The following KCNF1 variants were observed in gnomAD, a reference collection of about 807,000 sequenced individuals.
KCNF1 encodes the protein voltage-gated potassium channel regulatory subunit KCNF1.
Under a neutral mutation model 28.6 loss-of-function variants are expected in KCNF1, and 9 were observed. That is an observed-to-expected ratio of 0.31 (90% CI 0.19 to 0.55). The LOEUF (loss-of-function observed/expected upper bound fraction) is 0.55, where lower values mean the gene tolerates loss of function less well. KCNF1 is among the 20% of genes least tolerant of loss of function. KCNF1 has a pLI of 0.93. For missense variants in KCNF1, 461 were observed against 684.2 expected, an observed-to-expected ratio of 0.67 and a Z score of 3.64; for synonymous variants, 328 against 299.6, an observed-to-expected ratio of 1.09 and a Z score of -0.98.
In KCNF1 at chr2:10,913,281, G is replaced by T. The variant is rs779404957; in HGVS notation, c.855G>T (p.Val285=). Residue 285 remains valine, a synonymous_variant, in exon 1 of 1, where the codon GTG becomes GTT. Coordinates refer to ENST00000295082, the MANE Select transcript of KCNF1 (RefSeq NM_002236.5). The surrounding 1 kb of genome is among the most constrained non-coding windows in gnomAD (Gnocchi z 5.5). ...CCCGCATGATGGAGCTGACCAACGT[G>T]CAGCAGGCCGTGCAGGCGCTGCGGA... The part of the protein sequence containing the change: ...LGARMMELTN[V]QQAVQALRIM... The T allele has an allele frequency of 6.2e-7, 1 of 1,613,358 alleles. No homozygotes were observed. Among genetic ancestry groups the T allele is most frequent in the Non-Finnish European group, 8.5e-7 (1 of 1,179,968 alleles).
At position 10,914,128 on chromosome 2, in the gene KCNF1, G is replaced by T; in HGVS notation, c.*217G>T. The T allele has an allele frequency of 5.9e-6, 3 of 505,954 alleles. No homozygotes were observed. The highest frequency in any genetic ancestry group is 2.0e-5 in the African/African-American group (1 of 51,050). The allele number at this position is 505,954 out of a possible 1,614,324, so 31.3% of individuals were successfully genotyped here. On this transcript the variant is annotated 3_prime_UTR_variant, in exon 1 of 1. Transcript: ENST00000295082. ...CGGGAGGGAGGGGTGTGCAGGAGCC[G>T]CAGGGCCGTGTGGGACGAGTGGAGG...
In KCNF1 at chr2:10,913,622, C is replaced by T; in HGVS notation, c.1196C>T (p.Ala399Val). ...TTCTTGTGTGGTGTCATCGCCATCG[C>T]CCTGCCCATCCACCCCATCATCAAC... Reference protein sequence around the residue: ...ISFLCGVIAIALPIHPIINNF... With the variant: ...ISFLCGVIAIVLPIHPIINNF... Residue 399 changes from alanine to valine, a missense_variant, in exon 1 of 1, where the codon GCC becomes GTC. Ala to Val is a moderately conservative substitution (Grantham distance 64). Around this residue, in one of 4 missense-constraint regions of KCNF1, gnomAD observed 115 missense variants for 261.6 expected, o/e 0.44. Coordinates refer to ENST00000295082, the MANE Select transcript of KCNF1 (RefSeq NM_002236.5). The surrounding 1 kb of genome is among the most constrained non-coding windows in gnomAD (Gnocchi z 5.5). The T allele has an allele frequency of 6.2e-7, 1 of 1,613,246 alleles. No homozygotes were observed. Among genetic ancestry groups the T allele is most frequent in the Non-Finnish European group, 8.5e-7 (1 of 1,179,930 alleles).
Position 10,913,098 on chromosome 2 carries a change from C to T in KCNF1, c.672C>T (p.Asn224=), listed in dbSNP as rs1432435105. 2.5e-6 allele frequency: 4 copies of T among 1,609,944 alleles called. No homozygotes were observed. Among genetic ancestry groups the T allele is most frequent in the Non-Finnish European group, 3.4e-6 (4 of 1,180,026 alleles). Residue 224 remains asparagine, a synonymous_variant, in exon 1 of 1, where the codon AAC becomes AAT. Coordinates refer to ENST00000295082, the MANE Select transcript of KCNF1 (RefSeq NM_002236.5). The surrounding 1 kb of genome is among the most constrained non-coding windows in gnomAD (Gnocchi z 5.5). ...GCGTGGAGCACCCGACGCTGGAGAA[C>T]GTGGAGACGGCGTGCATTGGCTGGT... ...GNRVEHPTLE[N]VETACIGWFT...
Position 10,912,309 on chromosome 2 carries a change from C to G in KCNF1, c.-118C>G. On this transcript the variant is annotated 5_prime_UTR_variant, in exon 1 of 1. Transcript: ENST00000295082. The surrounding 1 kb of genome is among the most constrained non-coding windows in gnomAD (Gnocchi z 7.9). ...GACCGCCCTTCCCCGCAGGCGGGCG[C>G]CGGCCAGGCTCTCCCCGAGATCAGC... 2 of 824,136 alleles carry G rather than the reference C, an allele frequency of 2.4e-6. No individual in the cohort carries two copies. The highest frequency in any genetic ancestry group is 3.1e-6 in the Non-Finnish European group (2 of 635,956). 51.1% of individuals were successfully genotyped at this position (824,136 alleles called of 1,614,324 possible). A position where few individuals can be genotyped will look rare whatever the true frequency, so the allele number is the denominator to read the frequency against.
rs1307089981 is a variant in KCNF1, at chr2:10,913,263, G to A, written c.837G>A (p.Met279Ile). 1 of 1,613,506 alleles carries A rather than the reference G, an allele frequency of 6.2e-7. No individual in the cohort carries two copies. The highest frequency in any genetic ancestry group is 1.7e-5 in the Admixed American group (1 of 60,026). ...CGCTCACGCACCTGGGTGCCCGCAT[G>A]ATGGAGCTGACCAACGTGCAGCAGG... ...SLTLTHLGAR[M>I]MELTNVQQAV... is the part of the protein sequence containing the mutation. Residue 279 changes from methionine to isoleucine, a missense_variant, in exon 1 of 1, where the codon ATG becomes ATA. This residue lies in a region of KCNF1 where 115 missense variants were observed against 261.6 expected (regional missense o/e 0.44). Coordinates refer to ENST00000295082, the MANE Select transcript of KCNF1 (RefSeq NM_002236.5). This position sits in a 1 kb window ranked among gnomAD's most constrained non-coding sequence, Gnocchi z 5.5.
rs1661585673 is a variant in KCNF1 at position 10,913,940 on chromosome 2, C to T, written c.*29C>T. Reference sequence around the variant, plus strand: ...GAGGGCCCCTCAGGCAGAGATGGACCAGGCGGTGGACAGATGGGTAGATGT... The same window carrying T: ...GAGGGCCCCTCAGGCAGAGATGGACTAGGCGGTGGACAGATGGGTAGATGT... On this transcript the variant is annotated 3_prime_UTR_variant, in exon 1 of 1. Coordinates refer to ENST00000295082, the MANE Select transcript of KCNF1 (RefSeq NM_002236.5). This position sits in a 1 kb window ranked among gnomAD's most constrained non-coding sequence, Gnocchi z 5.5. 1 of 1,519,542 alleles carries T rather than the reference C, an allele frequency of 6.6e-7. No individual in the cohort carries two copies. The highest frequency in any genetic ancestry group is 2.3e-5 in the Admixed American group (1 of 44,214). 94.1% of individuals were successfully genotyped at this position (1,519,542 alleles called of 1,614,324 possible).
At position 10,912,355 on chromosome 2, in the gene KCNF1, A is replaced by G. The variant is rs1230579344; in HGVS notation, c.-72A>G. 1 of 1,144,200 alleles carries G rather than the reference A, an allele frequency of 8.7e-7. No homozygotes were observed. The highest frequency in any genetic ancestry group is 1.1e-6 in the Non-Finnish European group (1 of 917,158). 70.9% of individuals were successfully genotyped at this position (1,144,200 alleles called of 1,614,324 possible). On this transcript the variant is annotated 5_prime_UTR_variant, in exon 1 of 1. Transcript: ENST00000295082. This position sits in a 1 kb window ranked among gnomAD's most constrained non-coding sequence, Gnocchi z 7.9. The stretch of plus-strand genomic sequence containing the variant: ...TCAGCGCACGGGTGGCACCCGCCGG[A>G]CCCCCAGCGGCAGCGGCGGCGGCGG...
chr2:10,913,686 G>T lies in KCNF1; in HGVS notation c.1260G>T (p.Glu420Asp), dbSNP rs201734044. 192 of 1,613,814 alleles carry T rather than the reference G, an allele frequency of 1.2e-4. No individual in the cohort carries two copies. Among genetic ancestry groups the T allele is most frequent in the Non-Finnish European group, 1.6e-4 (187 of 1,180,046 alleles). ...ACTACAACAAGCAGCGCGTCCTGGAGACCGCGGCCAAGCACGAGCTGGAGC... is the reference window on the plus strand; with the variant it reads ...ACTACAACAAGCAGCGCGTCCTGGATACCGCGGCCAAGCACGAGCTGGAGC... ...VRYYNKQRVL[E>D]TAAKHELELM... The change falls in exon 1 of 1, where the codon GAG becomes GAT. Residue 420 changes from glutamate (E) to aspartate (D), a missense_variant. Physicochemically the swap from Glu to Asp is conservative, Grantham distance 45. Transcript: ENST00000295082. This position sits in a 1 kb window ranked among gnomAD's most constrained non-coding sequence, Gnocchi z 5.5.
Position 10,913,548 on chromosome 2 carries a change from C to G in KCNF1, c.1122C>G (p.Gly374=). The G allele has an allele frequency of 6.2e-7, 1 of 1,613,820 alleles. No individual in the cohort carries two copies. The highest frequency in any genetic ancestry group is 1.1e-5 in the South Asian group (1 of 91,084). Residue 374 remains glycine (G), a synonymous_variant, in exon 1 of 1, where the codon GGC becomes GGG. Coordinates refer to ENST00000295082, the MANE Select transcript of KCNF1 (RefSeq NM_002236.5). This position sits in a 1 kb window ranked among gnomAD's most constrained non-coding sequence, Gnocchi z 5.5. ...AIITMTTVGY[G]DIYPKTTLGK... ...TCACCATGACCACCGTCGGCTACGGCGACATCTACCCCAAGACCACGCTGG... is the reference window on the plus strand; with the variant it reads ...TCACCATGACCACCGTCGGCTACGGGGACATCTACCCCAAGACCACGCTGG...
Position 10,912,904 on chromosome 2 carries a change from C to G in KCNF1, c.478C>G (p.Arg160Gly). ...DDLGVDAAEG[R>G]WRRCQKCVWK... ...CCTGGGCGTGGACGCAGCCGAGGGC[C>G]GCTGGCGCCGCTGCCAGAAGTGCGT... The change falls in exon 1 of 1, where the codon CGC (arginine) becomes GGC (glycine). Residue 160 changes from arginine to glycine, a missense_variant. By Grantham distance (125) the Arg-to-Gly change is moderately radical. Coordinates refer to ENST00000295082, the MANE Select transcript of KCNF1 (RefSeq NM_002236.5). The surrounding 1 kb of genome is among the most constrained non-coding windows in gnomAD (Gnocchi z 7.9). The G allele has an allele frequency of 6.2e-7, 1 of 1,610,498 alleles. No individual in the cohort carries two copies. Among genetic ancestry groups the G allele is most frequent in the South Asian group, 1.1e-5 (1 of 91,026 alleles).
Position 10,912,916 on chromosome 2 carries a change from T to C in KCNF1, c.490T>C (p.Cys164Arg). 6.2e-7 allele frequency: 1 copy of C among 1,609,688 alleles called. No homozygotes were observed. The highest frequency in any genetic ancestry group is 8.5e-7 in the Non-Finnish European group (1 of 1,179,708). Residue 164 changes from cysteine (C) to arginine (R), a missense_variant, in exon 1 of 1, where the codon TGC becomes CGC. Cys to Arg is a radical substitution (Grantham distance 180). Around this residue, in one of 4 missense-constraint regions of KCNF1, gnomAD observed 193 missense variants for 280.6 expected, o/e 0.69. Transcript: ENST00000295082. This position sits in a 1 kb window ranked among gnomAD's most constrained non-coding sequence, Gnocchi z 7.9. Reference sequence around the variant, plus strand: ...CGCAGCCGAGGGCCGCTGGCGCCGCTGCCAGAAGTGCGTCTGGAAGTTCCT... The same window carrying C: ...CGCAGCCGAGGGCCGCTGGCGCCGCCGCCAGAAGTGCGTCTGGAAGTTCCT... ...VDAAEGRWRRCQKCVWKFLEK... is the reference protein window; with the variant it reads ...VDAAEGRWRRRQKCVWKFLEK...
Position 10,912,487 on chromosome 2 carries a change from G to T in KCNF1, c.61G>T (p.Asp21Tyr). Reference sequence around the variant, plus strand: ...GGGCAGCCAGAGCTCCGCTGCCAGCGACGACATAGAGATAGTCGTCAACGT... The same window carrying T: ...GGGCAGCCAGAGCTCCGCTGCCAGCTACGACATAGAGATAGTCGTCAACGT... ...EPGSQSSAAS[D>Y]DIEIVVNVGG... The change falls in exon 1 of 1, where the codon GAC (aspartate) becomes TAC (tyrosine). Residue 21 changes from aspartate (D) to tyrosine (Y), a missense_variant. This residue lies in a region of KCNF1 where 52 missense variants were observed against 39.8 expected (regional missense o/e 1.31). Coordinates refer to ENST00000295082, the MANE Select transcript of KCNF1 (RefSeq NM_002236.5). The surrounding 1 kb of genome is among the most constrained non-coding windows in gnomAD (Gnocchi z 7.9). The T allele has an allele frequency of 2.0e-6, 3 of 1,538,322 alleles. No individual in the cohort carries two copies. The highest frequency in any genetic ancestry group is 2.6e-6 in the Non-Finnish European group (3 of 1,144,158).
Position 10,912,543 on chromosome 2 carries a change from C to T in KCNF1, c.117C>T (p.Asp39=), listed in dbSNP as rs1469780011. Residue 39 remains aspartate, a synonymous_variant, in exon 1 of 1, where the codon GAC becomes GAT. Transcript: ENST00000295082. This position sits in a 1 kb window ranked among gnomAD's most constrained non-coding sequence, Gnocchi z 7.9. ...GCGTGCGGCAGGTGCTGTACGGGGA[C>T]CTCCTCAGTCAGTACCCTGAGACCC... ...VGGVRQVLYG[D]LLSQYPETRL... 1 of 1,610,376 alleles carries T rather than the reference C, an allele frequency of 6.2e-7. No individual in the cohort carries two copies. Among genetic ancestry groups the T allele is most frequent in the Non-Finnish European group, 8.5e-7 (1 of 1,178,686 alleles).
In KCNF1 at chr2:10,913,456, A is replaced by G; in HGVS notation, c.1030A>G (p.Thr344Ala). The change falls in exon 1 of 1, where the codon ACC becomes GCC. Residue 344 changes from threonine (T) to alanine (A), a missense_variant. This residue lies in a region of KCNF1 where 115 missense variants were observed against 261.6 expected (regional missense o/e 0.44). Coordinates refer to ENST00000295082, the MANE Select transcript of KCNF1 (RefSeq NM_002236.5). The surrounding 1 kb of genome is among the most constrained non-coding windows in gnomAD (Gnocchi z 5.5). Reference sequence around the variant, plus strand: ...CTTCGTCTTCTCTGCCCTGGGCTACACCATGGAGCAGAGCCATCCAGAGAC... The same window carrying G: ...CTTCGTCTTCTCTGCCCTGGGCTACGCCATGGAGCAGAGCCATCCAGAGAC... ...GIFVFSALGY[T>A]MEQSHPETLF... The G allele has an allele frequency of 6.2e-7, 1 of 1,614,140 alleles. No homozygotes were observed. Among genetic ancestry groups the G allele is most frequent in the African/African-American group, 1.3e-5 (1 of 75,042 alleles).
chr2:10,912,379 G>A lies in KCNF1; in HGVS notation c.-48G>A, dbSNP rs1229441007. 2 of 1,217,242 alleles carry A rather than the reference G, an allele frequency of 1.6e-6. No individual in the cohort carries two copies. 75.4% of individuals were successfully genotyped at this position (1,217,242 alleles called of 1,614,324 possible). Reference sequence around the variant, plus strand: ...GACCCCCAGCGGCAGCGGCGGCGGCGGCTGCAGGGGGCGCGGGGCGGAGGC... The same window carrying A: ...GACCCCCAGCGGCAGCGGCGGCGGCAGCTGCAGGGGGCGCGGGGCGGAGGC... On this transcript the variant is annotated 5_prime_UTR_variant, in exon 1 of 1. Transcript: ENST00000295082. The surrounding 1 kb of genome is among the most constrained non-coding windows in gnomAD (Gnocchi z 7.9).
Position 10,912,251 on chromosome 2 carries a change from C to T in KCNF1, c.-176C>T, listed in dbSNP as rs1013443552. 8 of 261,322 alleles carry T rather than the reference C, an allele frequency of 3.1e-5. No homozygotes were observed. Among genetic ancestry groups the T allele is most frequent in the Non-Finnish European group, 3.7e-5 (6 of 160,708 alleles). The allele number at this position is 261,322 out of a possible 1,614,324, so 16.2% of individuals were successfully genotyped here. On this transcript the variant is annotated 5_prime_UTR_variant, in exon 1 of 1. Coordinates refer to ENST00000295082, the MANE Select transcript of KCNF1 (RefSeq NM_002236.5). This position sits in a 1 kb window ranked among gnomAD's most constrained non-coding sequence, Gnocchi z 7.9. ...CCCGCCGCCGGGTGCATGCCTCCCC[C>T]GCGGCGCGCCCCCGCAGGCTGCTGC... is the stretch of plus-strand genomic sequence containing the variant.
chr2:10,913,290 C>T lies in KCNF1; in HGVS notation c.864C>T (p.Ala288=), dbSNP rs202046685. 12 of 1,613,336 alleles carry T rather than the reference C, an allele frequency of 7.4e-6. No homozygotes were observed. The East Asian group carries it at 2.0e-4, about 27-fold the overall frequency. ...TGGAGCTGACCAACGTGCAGCAGGC[C>T]GTGCAGGCGCTGCGGATCATGCGCA... ...RMMELTNVQQ[A]VQALRIMRIA... Residue 288 remains alanine, a synonymous_variant, in exon 1 of 1, where the codon GCC becomes GCT. Transcript: ENST00000295082. The surrounding 1 kb of genome is among the most constrained non-coding windows in gnomAD (Gnocchi z 5.5).
At position 10,912,732 on chromosome 2, in the gene KCNF1, G is replaced by A; in HGVS notation, c.306G>A (p.Lys102=). ...ATTTCGGGGAGGTCCACATGAAGAA[G>A]GGCATCTGCCCCATCTGCTTCAAGA... The part of the protein sequence containing the change: ...VYYFGEVHMK[K]GICPICFKNE... The change falls in exon 1 of 1, where the codon AAG becomes AAA. Residue 102 remains lysine (K), a synonymous_variant. Transcript: ENST00000295082. This position sits in a 1 kb window ranked among gnomAD's most constrained non-coding sequence, Gnocchi z 7.9. 1 of 1,614,166 alleles carries A rather than the reference G, an allele frequency of 6.2e-7. No homozygotes were observed. The highest frequency in any genetic ancestry group is 8.5e-7 in the Non-Finnish European group (1 of 1,180,048).
chr2:10,914,165 C>G lies in KCNF1; in HGVS notation c.*254C>G. On this transcript the variant is annotated 3_prime_UTR_variant, in exon 1 of 1. Coordinates refer to ENST00000295082, the MANE Select transcript of KCNF1 (RefSeq NM_002236.5). ...GGGACGAGTGGAGGCCGCGGCCTGG[C>G]TGGCACGAGAGCCCACGCCCGCTTC... The G allele has an allele frequency of 2.3e-6, 1 of 438,400 alleles. No individual in the cohort carries two copies. Among genetic ancestry groups the G allele is most frequent in the Non-Finnish European group, 4.1e-6 (1 of 241,506 alleles). 27.2% of individuals were successfully genotyped at this position (438,400 alleles called of 1,614,324 possible). A position where few individuals can be genotyped will look rare whatever the true frequency, so the allele number is the denominator to read the frequency against.
Sources: allele counts gnomAD v4.1 joint callset, GRCh38; gene constraint gnomAD v4.1.1; regional missense constraint gnomAD v4.1.1; non-coding constraint Gnocchi (gnomAD v3.1); transcripts MANE v1.5; gene names NCBI Gene and HGNC (gene_info 2026-07-23, HGNC 2026-07-21).